The following ACACA variants were observed in gnomAD, a reference collection of about 807,000 sequenced individuals.
ACACA encodes acetyl-CoA carboxylase 1.
Under a neutral mutation model 296.1 loss-of-function variants are expected in ACACA, and 103 were observed. That is an observed-to-expected ratio of 0.35 (90% CI 0.30 to 0.41). ACACA has a LOEUF of 0.41. ACACA is among the 10% of genes least tolerant of loss of function. The pLI, the probability that ACACA is intolerant of heterozygous loss-of-function variation, is 1.00. For missense variants in ACACA, 1,554 were observed against 2,989.7 expected (o/e 0.52, Z 11.20); for synonymous variants, 953 against 1,038.6 (o/e 0.92, Z 1.58).
chr17:37,343,717 T>C (rs931069798), intron 1 of ACACA, among the ~76,000 whole-genome samples: 1 of 151,334 alleles, frequency 6.6e-6, no homozygotes, highest in Non-Finnish European at 1.5e-5. Context: ...TGAGCCAAGA[T>C]TGTACCATTG....
chr17:37,389,410 G>T, intron 1 of ACACA: 1 of 1,547,580 alleles, frequency 6.5e-7, no homozygotes, highest in Non-Finnish European at 8.7e-7. Context: ...AGAAGGTGGG[G>T]TAGGGGCCGG....
At chr17:37,286,436 C>T (rs2082776256) in intron 3 of ACACA, among the ~76,000 whole-genome samples, 1 of 152,154 alleles carries the variant, frequency 6.6e-6, no homozygotes, top group Admixed American at 6.5e-5. Context: ...CCAAACCTAC[C>T]CTTTTATGCT....
At chr17:37,101,139 C>T (rs1361792400) in intron 52 of ACACA, among the ~76,000 whole-genome samples, 1 of 149,142 alleles carries the variant, frequency 6.7e-6, no homozygotes, top group Non-Finnish European at 1.5e-5. Flanking sequence ...TCAAATGGCT[C>T]AAAGAAAATG....
At chr17:37,203,466 G>A (rs1027681080) in intron 33 of ACACA, among the ~76,000 whole-genome samples, 3 of 151,758 alleles carry the variant, frequency 2.0e-5, no homozygotes, top group South Asian at 2.1e-4. Flanking sequence ...CTTCCAGGCC[G>A]GGCGCAGTGG....
Position 37,297,779 on chromosome 17 carries a change from G to A in ACACA, c.339-12809C>T, listed in dbSNP as rs555862700. On this transcript the variant is annotated intron_variant, in intron 3 of 55. Coordinates refer to ENST00000616317, the MANE Select transcript of ACACA (RefSeq NM_198834.3). ...TTGGCCAGGCTGGTCTCGTACTCGTGACCTCAGGTGATCCACCCGCCTTGG... is the reference window on the plus strand; with the variant it reads ...TTGGCCAGGCTGGTCTCGTACTCGTAACCTCAGGTGATCCACCCGCCTTGG... Among the ~76,000 whole-genome samples, 258 of 152,054 alleles carry A rather than the reference G, an allele frequency of 1.7e-3. 1 individual carries two copies. The highest frequency in any genetic ancestry group is 5.9e-3 in the African/African-American group (244 of 41,488).
intron 25 of ACACA, among the ~76,000 whole-genome samples, chr17:37,230,589 C>G (rs756865370): frequency 3.3e-5 from 5 of 152,084 alleles, no homozygotes; most frequent in Admixed American, 6.5e-5. Flanking sequence ...ACTTCCTCAA[C>G]CCTGTCTTGT....
At chr17:37,389,535 T>A (rs1195146294) in intron 1 of ACACA, among the ~76,000 whole-genome samples, 1 of 151,696 alleles carries the variant, frequency 6.6e-6, no homozygotes, top group South Asian at 2.1e-4. Flanking sequence ...CTACTAAAAA[T>A]ACAAAAATTA....
chr17:37,316,246 T>C (rs1056944580), intron 3 of ACACA, among the ~76,000 whole-genome samples: 2 of 151,732 alleles, frequency 1.3e-5, no homozygotes, highest in Non-Finnish European at 2.9e-5. Context: ...CTGAAAATGC[T>C]AGACGTTTCA....
At chr17:37,319,149 G>A (rs35230979) in intron 3 of ACACA, among the ~76,000 whole-genome samples, 3,863 of 152,112 alleles carry the variant, frequency 0.025, 106 homozygotes, top group African/African-American at 0.055. Context: ...AAAAAGGTGG[G>A]GGGTGGTAAT....
At chr17:37,374,674 A>G (rs2049931033) in intron 1 of ACACA, among the ~76,000 whole-genome samples, 1 of 152,180 alleles carries the variant, frequency 6.6e-6, no homozygotes, top group South Asian at 2.1e-4. Flanking sequence ...CAAATTTGGA[A>G]AAATCTTCAA....
intron 11 of ACACA, among the ~76,000 whole-genome samples, chr17:37,262,941 G>T (rs1192071631): frequency 6.6e-6 from 1 of 151,978 alleles, no homozygotes; most frequent in East Asian, 1.9e-4. Context: ...TATTGCCCAG[G>T]CCGGTCTCGA....
At chr17:37,111,438 A>G in intron 52 of ACACA, 93 bp downstream of exon 52, 2 of 908,468 alleles carry the variant, frequency 2.2e-6, no homozygotes, top group Non-Finnish European at 3.7e-6. Context: ...ATTTGATCAA[A>G]TGCTTCAGTG....
chr17:37,213,012 C>T (rs1361083387), intron 29 of ACACA, among the ~76,000 whole-genome samples: 1 of 151,842 alleles, frequency 6.6e-6, no homozygotes, highest in Non-Finnish European at 1.5e-5. Flanking sequence ...ACTGCATACT[C>T]ATCACGCAAA....
At chr17:37,251,574 C>G (rs534732951) in intron 16 of ACACA, among the ~76,000 whole-genome samples, 5 of 152,198 alleles carry the variant, frequency 3.3e-5, no homozygotes, top group Admixed American at 6.5e-5. Flanking sequence ...GTCTGACCCT[C>G]TACTTGAAAG....
chr17:37,314,104 CTTTT>C (rs34202919), intron 3 of ACACA, among the ~76,000 whole-genome samples: 3 of 134,000 alleles, frequency 2.2e-5, no homozygotes, highest in Non-Finnish European at 1.6e-5. Context: ...ACTATATATT[CTTTT>C]TTTTTTTTTT....
At chr17:37,175,546 T>C (rs539958451) in intron 41 of ACACA, among the ~76,000 whole-genome samples, 1 of 152,360 alleles carries the variant, frequency 6.6e-6, no homozygotes, top group East Asian at 1.9e-4. Flanking sequence ...CACATTCATC[T>C]AGCTGTGTAT....
intron 42 of ACACA, among the ~76,000 whole-genome samples, chr17:37,156,230 ATTTTTTG>A (rs2076245434): frequency 6.6e-6 from 1 of 151,068 alleles, no homozygotes; most frequent in Admixed American, 6.6e-5. Flanking sequence ...CGCCTGGCTA[ATTTTTTG>A]TATTTTTAGT....
chr17:37,181,948 C>T (rs1011335402), intron 39 of ACACA, among the ~76,000 whole-genome samples: 2 of 143,362 alleles, frequency 1.4e-5, no homozygotes, highest in East Asian at 2.0e-4. Flanking sequence ...CAAGAAAGCA[C>T]GGTGCACATT....
At position 37,225,096 on chromosome 17, in the gene ACACA, C is replaced by T; in HGVS notation, c.3370G>A (p.Ala1124Thr). The change falls in exon 27 of 56, where the codon GCC becomes ACC. Residue 1124 changes from alanine (A) to threonine (T), a missense_variant. Physicochemically the swap from Ala to Thr is moderately conservative, Grantham distance 58. Transcript: ENST00000616317. ...AGCTCATATGATGGCAAATGGGAGG[C>T]AATAAGAACCTAGAGTGAGAACAAA... ...VALRARQVLIASHLPSYELRH... is the reference protein window; with the variant it reads ...VALRARQVLITSHLPSYELRH... The T allele has an allele frequency of 6.2e-7, 1 of 1,601,438 alleles. No individual in the cohort carries two copies. The highest frequency in any genetic ancestry group is 2.2e-5 in the East Asian group (1 of 44,734).
Sources: allele counts gnomAD v4.1 joint callset (sites outside exome capture counted in the v4.1 genomes callset), GRCh38; gene constraint gnomAD v4.1.1; transcripts MANE v1.5; gene names NCBI Gene and HGNC (gene_info 2026-07-23, HGNC 2026-07-21).